The following MEAK7 variants were observed in gnomAD, a reference collection of about 807,000 sequenced individuals.
The protein encoded by MEAK7 is MTOR-associated protein MEAK7.
A neutral mutation model predicts 40.5 loss-of-function variants in MEAK7; 68 were observed. The ratio of observed to expected loss-of-function variants is 1.68; its 90% confidence interval spans 1.38 to 2.06. MEAK7 has a LOEUF of 2.06. Among genes scored for constraint, MEAK7 ranks in the 30% most tolerant of loss-of-function variants. The pLI is 0.00. For synonymous variants in MEAK7, 338 were observed against 231.9 expected (o/e 1.46, Z -4.16); for missense variants, 918 against 580.5 (o/e 1.58, Z -5.98).
intron 3 of MEAK7, among the ~76,000 whole-genome samples, chr16:84,491,048 C>T (rs112012140): frequency 7.2e-5 from 11 of 152,276 alleles, no homozygotes; most frequent in African/African-American, 2.6e-4. Flanking sequence ...TTTAATGAAA[C>T]CAAAAGTTGG....
At chr16:84,491,365 C>T (rs1290703384) in intron 3 of MEAK7, among the ~76,000 whole-genome samples, 4 of 151,934 alleles carry the variant, frequency 2.6e-5, no homozygotes, top group Admixed American at 2.6e-4. Flanking sequence ...TGATGAGACC[C>T]CCGTCTCTAC....
chr16:84,491,088 G>A (rs966476590), intron 3 of MEAK7, among the ~76,000 whole-genome samples: 1 of 152,082 alleles, frequency 6.6e-6, no homozygotes, highest in Non-Finnish European at 1.5e-5. Flanking sequence ...AAAATATGAA[G>A]AATCTTTAGC....
At chr16:84,492,951 T>C (rs953756413) in intron 3 of MEAK7, among the ~76,000 whole-genome samples, 7 of 152,254 alleles carry the variant, frequency 4.6e-5, no homozygotes, top group African/African-American at 1.7e-4. Flanking sequence ...TCAGTCCTTT[T>C]GACCTCAATT....
intron 5 of MEAK7, among the ~76,000 whole-genome samples, chr16:84,482,989 T>G (rs1264515343): frequency 6.6e-6 from 1 of 152,110 alleles, no homozygotes; most frequent in Non-Finnish European, 1.5e-5. Flanking sequence ...TCTGCTGGAA[T>G]CAGTTCAGGC....
chr16:84,488,291 G>C (rs181466786), intron 4 of MEAK7: 1 of 152,184 alleles, frequency 6.6e-6, no homozygotes, highest in African/African-American at 2.4e-5. Flanking sequence ...TTCTTTCCAA[G>C]TTCCAAATAC....
chr16:84,487,136 G>A (rs1378337476), intron 4 of MEAK7, 77 bp from the exon 5 acceptor site: 15 of 1,433,744 alleles, frequency 1.0e-5, no homozygotes, highest in South Asian at 2.7e-5. Context: ...ACACTGATCA[G>A]TGTGGGAGCC....
intron 1 of MEAK7, 62 bp from the exon 2 acceptor site, chr16:84,498,173 G>T (rs1479873494): frequency 2.6e-6 from 4 of 1,514,362 alleles, no homozygotes; most frequent in Middle Eastern, 1.8e-4. Context: ...GAAAATAAAT[G>T]TTGAGAATTA....
intron 5 of MEAK7, among the ~76,000 whole-genome samples, chr16:84,483,806 A>G (rs1047503713): frequency 6.6e-6 from 1 of 152,162 alleles, no homozygotes; most frequent in African/African-American, 2.4e-5. Flanking sequence ...GTCCCCATGG[A>G]GAAGGGATCC....
intron 1 of MEAK7, among the ~76,000 whole-genome samples, chr16:84,499,268 G>C (rs950076711): frequency 6.6e-6 from 1 of 152,214 alleles, no homozygotes; most frequent in Non-Finnish European, 1.5e-5. Context: ...GTAAGGTGCT[G>C]TGACTGTTAA....
At chr16:84,492,143 A>C (rs111426753) in intron 3 of MEAK7, among the ~76,000 whole-genome samples, 5 of 152,264 alleles carry the variant, frequency 3.3e-5, no homozygotes, top group African/African-American at 1.2e-4. Flanking sequence ...TGGATGTATG[A>C]GATTGTAAGG....
rs1302349105 is a variant in MEAK7 at position 84,479,393 on chromosome 16, A to C, written c.*520T>G. On this transcript the variant is annotated 3_prime_UTR_variant, in exon 8 of 8. Coordinates refer to ENST00000343629, the MANE Select transcript of MEAK7 (RefSeq NM_020947.4). Reference sequence around the variant, plus strand: ...GAGAAGTTGAGATCCCAGCAATGCTAATGCCAGCGGAATTCCCTAATGCCA... The same window carrying C: ...GAGAAGTTGAGATCCCAGCAATGCTCATGCCAGCGGAATTCCCTAATGCCA... 1 of 149,518 alleles carries C rather than the reference A, an allele frequency of 6.7e-6. No individual in the cohort carries two copies. The highest frequency in any genetic ancestry group is 6.7e-5 in the Admixed American group (1 of 15,010). The allele number at this position is 149,518 out of a possible 1,614,324, so 9.3% of individuals were successfully genotyped here. A position where few individuals can be genotyped will look rare whatever the true frequency, so the allele number is the denominator to read the frequency against.
rs1597929015 is a variant in MEAK7 at position 84,484,626 on chromosome 16, G to A, written c.959-1916C>T. Among the ~76,000 whole-genome samples, 3 of 152,196 alleles carry A rather than the reference G, an allele frequency of 2.0e-5. No individual in the cohort carries two copies. The East Asian group carries it at 5.8e-4, about 29-fold the overall frequency. On this transcript the variant is annotated intron_variant, in intron 5 of 7. Transcript: ENST00000343629. Reference sequence around the variant, plus strand: ...GTTTACGAAGCCACATTACCCCGCAGGGAAATATCCTCTGTACTCAAGGAG... The same window carrying A: ...GTTTACGAAGCCACATTACCCCGCAAGGAAATATCCTCTGTACTCAAGGAG...
intron 3 of MEAK7, among the ~76,000 whole-genome samples, chr16:84,493,831 G>C (rs1000477498): frequency 6.6e-6 from 1 of 152,168 alleles, no homozygotes; most frequent in African/African-American, 2.4e-5. Context: ...GACCTGTAGA[G>C]CTGATAAAAG....
At chr16:84,491,369 T>C (rs1813504713) in intron 3 of MEAK7, among the ~76,000 whole-genome samples, 5 of 151,702 alleles carry the variant, frequency 3.3e-5, no homozygotes, top group Admixed American at 1.3e-4. Context: ...GAGACCCCCG[T>C]CTCTACTAAA....
At chr16:84,480,059 A>G (rs1723525102) in intron 7 of MEAK7, 33 bp from the exon 8 acceptor site, 3 of 1,519,300 alleles carry the variant, frequency 2.0e-6, no homozygotes, top group Admixed American at 3.8e-5. Context: ...GGTGTGTTCC[A>G]TGATGGCCCA....
rs1411277320 is a variant in MEAK7, at chr16:84,479,858, T to G, written c.*55A>C. 7.2e-7 allele frequency: 1 copy of G among 1,384,112 alleles called. No homozygotes were observed. The highest frequency in any genetic ancestry group is 1.3e-5 in the South Asian group (1 of 74,982). The allele number at this position is 1,384,112 out of a possible 1,614,324, so 85.7% of individuals were successfully genotyped here. A position where few individuals can be genotyped will look rare whatever the true frequency, so the allele number is the denominator to read the frequency against. On this transcript the variant is annotated 3_prime_UTR_variant, in exon 8 of 8. Coordinates refer to ENST00000343629, the MANE Select transcript of MEAK7 (RefSeq NM_020947.4). ...GGGAGGGAAGAGGGGCTGCAGGCGT[T>G]GCCCTCTACCCAGAGGAATCCAGGT...
chr16:84,485,186 G>A (rs1567490764), intron 5 of MEAK7, among the ~76,000 whole-genome samples: 1 of 152,226 alleles, frequency 6.6e-6, no homozygotes, highest in Non-Finnish European at 1.5e-5. Flanking sequence ...GCAAGGCTGA[G>A]GCTGCTGTCT....
intron 3 of MEAK7, among the ~76,000 whole-genome samples, chr16:84,493,929 C>T (rs1002557468): frequency 2.0e-5 from 3 of 152,156 alleles, no homozygotes; most frequent in African/African-American, 7.2e-5. Flanking sequence ...CCAAATACTC[C>T]AAGTTTTCTT....
At chr16:84,482,024 G>A (rs561074908) in intron 6 of MEAK7, among the ~76,000 whole-genome samples, 2 of 152,336 alleles carry the variant, frequency 1.3e-5, no homozygotes, top group East Asian at 1.9e-4. Context: ...GAGCTTCGGC[G>A]TGGATGCTGC....
Sources: allele counts gnomAD v4.1 joint callset (sites outside exome capture counted in the v4.1 genomes callset), GRCh38; gene constraint gnomAD v4.1.1; transcripts MANE v1.5; gene names NCBI Gene and HGNC (gene_info 2026-07-23, HGNC 2026-07-21).